GATA4: variants seen among roughly 807,000 people sequenced by gnomAD.
GATA4 encodes the protein transcription factor GATA-4.
GATA4 carries 7 observed loss-of-function variants against 37.9 expected under a neutral mutation model. The observed-to-expected ratio is 0.18, with a 90% CI of 0.11 to 0.35. The LOEUF (loss-of-function observed/expected upper bound fraction) is 0.35. Ranked by LOEUF, GATA4 falls within the 10% of genes least tolerant of loss-of-function variation. The pLI, the probability that GATA4 is intolerant of heterozygous loss-of-function variation, is 1.00. For synonymous variants in GATA4, 372 were observed against 292.6 expected, an observed-to-expected ratio of 1.27 and a Z score of -2.77; for missense variants, 647 against 653.0, an observed-to-expected ratio of 0.99 and a Z score of 0.10.
At chr8:11,756,640 T>C (rs1585702109) in intron 5 of GATA4, 1 of 486,936 alleles carries the variant, frequency 2.1e-6, no homozygotes, top group East Asian at 4.0e-5. Flanking sequence ...TCTGTAATAA[T>C]ACACAGTATT....
intron 2 of GATA4, among the ~76,000 whole-genome samples, chr8:11,738,180 C>T (rs906200918): frequency 1.2e-5 from 1 of 82,474 alleles, no homozygotes; most frequent in African/African-American, 3.7e-5. Flanking sequence ...GACTCTGTCT[C>T]AAAAAAAAAA....
At chr8:11,739,056 A>C (rs548486569) in intron 2 of GATA4, among the ~76,000 whole-genome samples, 2 of 152,344 alleles carry the variant, frequency 1.3e-5, no homozygotes, top group East Asian at 3.9e-4. Context: ...CTGTGGTGGG[A>C]GGCAGCTGGG....
intron 2 of GATA4, among the ~76,000 whole-genome samples, chr8:11,719,811 T>C (rs2130135998): frequency 6.6e-6 from 1 of 152,314 alleles, no homozygotes; most frequent in East Asian, 1.9e-4. Flanking sequence ...AAATGAGAAA[T>C]TGACCAGCAC....
In GATA4 at chr8:11,708,498, G is replaced by A. The variant is rs1466381420; in HGVS notation, c.186G>A (p.Ala62=). ...TCCAGGGCGGAGGCGCGGGCTCTGCGTCCGGAGGCGCCTCGGGCGGCAGCT... is the reference window on the plus strand; with the variant it reads ...TCCAGGGCGGAGGCGCGGGCTCTGCATCCGGAGGCGCCTCGGGCGGCAGCT... The part of the protein sequence containing the change: ...SYLQGGGAGS[A]SGGASGGSSG... Residue 62 remains alanine (A), a synonymous_variant, in exon 2 of 7, where the codon GCG becomes GCA. Transcript: ENST00000532059. This position sits in a 1 kb window ranked among gnomAD's most constrained non-coding sequence, Gnocchi z 6.7. 6.7e-7 allele frequency: 1 copy of A among 1,482,410 alleles called. No individual in the cohort carries two copies. Among genetic ancestry groups the A allele is most frequent in the Non-Finnish European group, 8.9e-7 (1 of 1,123,768 alleles). 91.8% of individuals were successfully genotyped at this position (1,482,410 alleles called of 1,614,324 possible).
intron 2 of GATA4, among the ~76,000 whole-genome samples, chr8:11,735,666 G>A (rs1324835395): frequency 1.3e-5 from 2 of 152,124 alleles, no homozygotes; most frequent in Non-Finnish European, 2.9e-5. Flanking sequence ...GGGTTCAAGC[G>A]ATTCTTCTGC....
At chr8:11,677,360 T>G (rs1798817885) in intron 1 of GATA4, among the ~76,000 whole-genome samples, 1 of 152,240 alleles carries the variant, frequency 6.6e-6, no homozygotes, top group Non-Finnish European at 1.5e-5. Flanking sequence ...TGAGGTGGCA[T>G]TTTAGTTTCT....
upstream of GATA4, among the ~76,000 whole-genome samples, chr8:11,702,450 G>A (rs907041867): frequency 4.0e-5 from 6 of 151,750 alleles, no homozygotes; most frequent in African/African-American, 1.5e-4. The surrounding 1 kb of genome is among the most constrained non-coding windows in gnomAD (Gnocchi z 4.4). Context: ...GCAGGCCTTG[G>A]CTTCGCGCCT....
At chr8:11,713,377 G>T (rs1417655241) in intron 2 of GATA4, among the ~76,000 whole-genome samples, 1 of 152,104 alleles carries the variant, frequency 6.6e-6, no homozygotes, top group Non-Finnish European at 1.5e-5. Context: ...GCACATGTTG[G>T]GCACTTAGCA....
At chr8:11,730,212 C>T (rs139192439) in intron 2 of GATA4, among the ~76,000 whole-genome samples, 62 of 152,302 alleles carry the variant, frequency 4.1e-4, no homozygotes, top group African/African-American at 1.3e-3. Context: ...TCGTGCCTGG[C>T]CTCAGTGAGT....
upstream of GATA4, among the ~76,000 whole-genome samples, chr8:11,689,019 AGTG>A (rs967259756): frequency 6.6e-6 from 1 of 152,218 alleles, no homozygotes; most frequent in African/African-American, 2.4e-5. Context: ...CCAGTCTTCC[AGTG>A]GTGGACCTGA....
Position 11,733,917 on chromosome 8 carries a change from C to T in GATA4, c.617-14999C>T, listed in dbSNP as rs575253880. The stretch of plus-strand genomic sequence containing the variant: ...CACACAGAGGCATTAAGAGCCATTA[C>T]GTGGTTCTGTCATTACTTTTTGCCC... On this transcript the variant is annotated intron_variant, in intron 2 of 6. Coordinates refer to ENST00000532059, the MANE Select transcript of GATA4 (RefSeq NM_001308093.3). Among the ~76,000 whole-genome samples, 4 of 152,340 alleles carry T rather than the reference C, an allele frequency of 2.6e-5. No homozygotes were observed. In the South Asian group the frequency reaches 8.3e-4, roughly 32 times the overall value.
rs935471061 is a variant in GATA4 at position 11,758,709 on chromosome 8, A to G, written c.*234A>G. ...GGAGCCCACCCTTCAGCACGAGCAC[A>G]CTGCATCTCTCCTGTGAGTTGGAGA... On this transcript the variant is annotated 3_prime_UTR_variant, in exon 7 of 7. Transcript: ENST00000532059. 1.2e-5 allele frequency: 7 copies of G among 577,870 alleles called. No homozygotes were observed. Among genetic ancestry groups the G allele is most frequent in the East Asian group, 1.2e-4 (4 of 33,152 alleles). The allele number at this position is 577,870 out of a possible 1,614,324, so 35.8% of individuals were successfully genotyped here. A position where few individuals can be genotyped will look rare whatever the true frequency, so the allele number is the denominator to read the frequency against.
At position 11,709,486 on chromosome 8, in the gene GATA4, C is replaced by A. The variant is rs1378038283; in HGVS notation, c.616+558C>A. Among the ~76,000 whole-genome samples the A allele has an allele frequency of 4.0e-5, 6 of 148,638 alleles. No individual in the cohort carries two copies. The highest frequency in any genetic ancestry group is 1.5e-4 in the African/African-American group (6 of 40,716). On this transcript the variant is annotated intron_variant, in intron 2 of 6. Transcript: ENST00000532059. This position sits in a 1 kb window ranked among gnomAD's most constrained non-coding sequence, Gnocchi z 4.3. ...ACACCGAGAACAAAGGAGGGATGGA[C>A]AAAGGAGACGCCGGGGAGATGCGCG...
At chr8:11,692,524 T>C (rs1799347204), upstream of GATA4, 1 of 985,480 alleles carries the variant, frequency 1.0e-6, no homozygotes, top group Non-Finnish European at 1.2e-6. Context: ...CGTGAAACTA[T>C]GCTCATGCGG....
At position 11,709,714 on chromosome 8, in the gene GATA4, T is replaced by A. The variant is rs1218537472; in HGVS notation, c.616+786T>A. On this transcript the variant is annotated intron_variant, in intron 2 of 6. Transcript: ENST00000532059. The surrounding 1 kb of genome is among the most constrained non-coding windows in gnomAD (Gnocchi z 4.3). ...CCTCCTCTTCTCGCGTGGGCCAGGG[T>A]TGGAAATAACCGTTGTGGTAGGTTC... Among the ~76,000 whole-genome samples the A allele has an allele frequency of 1.3e-5, 2 of 152,070 alleles. No individual in the cohort carries two copies. Among genetic ancestry groups the A allele is most frequent in the Admixed American group, 1.3e-4 (2 of 15,270 alleles).
At chr8:11,690,958 G>A (rs528114472), upstream of GATA4, among the ~76,000 whole-genome samples, 7 of 152,358 alleles carry the variant, frequency 4.6e-5, no homozygotes, top group East Asian at 1.3e-3. Flanking sequence ...GAGTTCTGCA[G>A]TCAACCTACT....
chr8:11,736,114 T>C (rs1801440820), intron 2 of GATA4, among the ~76,000 whole-genome samples: 1 of 152,034 alleles, frequency 6.6e-6, no homozygotes, highest in South Asian at 2.1e-4. Flanking sequence ...TGTTACTATG[T>C]TGCCCAGGCT....
intron 1 of GATA4, among the ~76,000 whole-genome samples, chr8:11,683,356 C>G (rs1799038746): frequency 6.6e-6 from 1 of 152,220 alleles, no homozygotes; most frequent in Non-Finnish European, 1.5e-5. Flanking sequence ...ATTATGCTTG[C>G]TGATGCCGGT....
At chr8:11,735,536 A>G (rs966115617) in intron 2 of GATA4, among the ~76,000 whole-genome samples, 2 of 152,258 alleles carry the variant, frequency 1.3e-5, no homozygotes, top group South Asian at 4.1e-4. Flanking sequence ...GTGATGGTGG[A>G]GACTTTTTGT....
Sources: gnomAD v4.1 joint callset for allele counts (sites outside exome capture counted in the v4.1 genomes callset) on GRCh38, gnomAD v4.1.1 for gene constraint, Gnocchi (gnomAD v3.1) non-coding constraint, MANE v1.5 for transcripts, NCBI Gene and HGNC (gene_info 2026-07-23, HGNC 2026-07-21) for gene names.